The following GRID2 variants were observed in gnomAD, a reference collection of about 807,000 sequenced individuals.
The protein encoded by GRID2 is glutamate receptor ionotropic, delta-2.
In GRID2, 33 loss-of-function variants were observed where a neutral mutation model predicts 114.8. The ratio of observed to expected loss-of-function variants is 0.29; its 90% confidence interval spans 0.22 to 0.38. GRID2 has a LOEUF of 0.38. GRID2 is among the 10% of genes least tolerant of loss of function. GRID2 has a pLI of 1.00. For missense variants in GRID2, 1,184 were observed against 1,257.7 expected, an observed-to-expected ratio of 0.94 and a Z score of 0.89; for synonymous variants, 505 against 449.9, an observed-to-expected ratio of 1.12 and a Z score of -1.55.
intron 2 of GRID2, among the ~76,000 whole-genome samples, chr4:92,691,392 T>G (rs1475180235): frequency 6.6e-6 from 1 of 151,986 alleles, no homozygotes; most frequent in Non-Finnish European, 1.5e-5. Context: ...GTTTACACAT[T>G]AGTGGGCAAG....
At chr4:93,070,481 T>C (rs1379290817) in intron 2 of GRID2, among the ~76,000 whole-genome samples, 1 of 152,104 alleles carries the variant, frequency 6.6e-6, no homozygotes, top group Non-Finnish European at 1.5e-5. Context: ...AAGTGAAATG[T>C]GATTATCAAA....
chr4:93,419,863 A>C (rs1768090844), intron 9 of GRID2, among the ~76,000 whole-genome samples: 1 of 152,164 alleles, frequency 6.6e-6, no homozygotes. Context: ...TGGTCTAGCT[A>C]GTTATGAGTT....
At chr4:93,143,407 T>C (rs953777286) in intron 4 of GRID2, among the ~76,000 whole-genome samples, 4 of 152,204 alleles carry the variant, frequency 2.6e-5, no homozygotes, top group African/African-American at 9.6e-5. Context: ...ATGCCACTTA[T>C]GTTATCATCT....
At chr4:93,657,862 C>G (rs1441570073) in intron 14 of GRID2, among the ~76,000 whole-genome samples, 1 of 152,040 alleles carries the variant, frequency 6.6e-6, no homozygotes, top group East Asian at 1.9e-4. Context: ...TTGTAGAACC[C>G]AATACAGCTG....
At chr4:93,031,362 C>T (rs184395587) in intron 2 of GRID2, among the ~76,000 whole-genome samples, 112 of 152,140 alleles carry the variant, frequency 7.4e-4, no homozygotes, top group Non-Finnish European at 1.3e-3. Flanking sequence ...CACTCTCCTA[C>T]GGATATAATT....
At chr4:92,752,388 C>T (rs1244443606) in intron 2 of GRID2, among the ~76,000 whole-genome samples, 1 of 152,156 alleles carries the variant, frequency 6.6e-6, no homozygotes, top group Non-Finnish European at 1.5e-5. Flanking sequence ...GAAGAGCCCA[C>T]ATTTCTTAGT....
intron 13 of GRID2, among the ~76,000 whole-genome samples, chr4:93,582,975 C>G (rs1737130123): frequency 6.6e-6 from 1 of 152,286 alleles, no homozygotes; most frequent in Non-Finnish European, 1.5e-5. Flanking sequence ...GCCACACTCT[C>G]TCTGAAGTCT....
At chr4:93,629,394 C>T (rs753887369) in intron 14 of GRID2, among the ~76,000 whole-genome samples, 32 of 152,090 alleles carry the variant, frequency 2.1e-4, no homozygotes, top group Non-Finnish European at 4.1e-4. Context: ...CAGGACCTGG[C>T]GATCATCAGT....
chr4:92,971,750 C>G (rs551739843), intron 2 of GRID2, among the ~76,000 whole-genome samples: 1 of 152,104 alleles, frequency 6.6e-6, no homozygotes, highest in Admixed American at 6.6e-5. Context: ...CTTCCATGAG[C>G]TCAATTTTCT....
chr4:92,998,451 G>A (rs946548679), intron 2 of GRID2, among the ~76,000 whole-genome samples: 2 of 151,928 alleles, frequency 1.3e-5, no homozygotes, highest in Non-Finnish European at 2.9e-5. Flanking sequence ...AGGCTATTGG[G>A]ACTACAGAGT....
chr4:93,793,789 C>T (rs150114214), intron 1 of GRID2, among the ~76,000 whole-genome samples: 2,391 of 152,216 alleles, frequency 0.016, 35 homozygotes, highest in Middle Eastern at 0.027. Context: ...GCACCAAGGA[C>T]GTATGCAAAC....
At chr4:92,927,315 A>G (rs1475786956) in intron 2 of GRID2, among the ~76,000 whole-genome samples, 1 of 151,856 alleles carries the variant, frequency 6.6e-6, no homozygotes, top group Non-Finnish European at 1.5e-5. Context: ...TACTTGCTAT[A>G]ATAGCTTACA....
intron 1 of GRID2, among the ~76,000 whole-genome samples, chr4:92,305,423 C>G (rs745891678): frequency 7.2e-5 from 11 of 152,158 alleles, no homozygotes; most frequent in Non-Finnish European, 1.6e-4. Flanking sequence ...GCTCCCGGGG[C>G]CTGGCGCGGC....
intron 14 of GRID2, among the ~76,000 whole-genome samples, chr4:93,646,391 G>C (rs1722115130): frequency 6.6e-6 from 1 of 152,070 alleles, no homozygotes; most frequent in African/African-American, 2.4e-5. Context: ...GAACCAGCTG[G>C]GAGTGTTTAA....
chr4:92,665,425 G>A (rs1732724185), intron 2 of GRID2, among the ~76,000 whole-genome samples: 2 of 151,020 alleles, frequency 1.3e-5, no homozygotes, highest in Non-Finnish European at 3.0e-5. Context: ...TAAAGCATTA[G>A]TACCTTAAAT....
chr4:93,796,612 C>T lies in GRID2; in HGVS notation c.222-10103C>T, dbSNP rs190142242. Among the ~76,000 whole-genome samples, 322 of 152,310 alleles carry T rather than the reference C, an allele frequency of 2.1e-3. 1 individual carries two copies. Among genetic ancestry groups the T allele is most frequent in the Middle Eastern group, 6.8e-3 (2 of 294 alleles). On this transcript the variant is annotated intron_variant, in intron 1 of 1. Transcript: ENST00000637838. ...AGGCTAGAGTGCCGTGGCGCTATCT[C>T]GGCTCACTGCAACCTCCACCTCCCG...
intron 1 of GRID2, among the ~76,000 whole-genome samples, chr4:92,387,268 C>T (rs924737123): frequency 2.0e-5 from 3 of 151,806 alleles, no homozygotes; most frequent in Admixed American, 6.6e-5. Context: ...AGAAAAATTT[C>T]AGTGGTAAAT....
intron 2 of GRID2, among the ~76,000 whole-genome samples, chr4:92,786,374 G>A (rs2149361585): frequency 1.3e-5 from 2 of 151,860 alleles, no homozygotes; most frequent in Middle Eastern, 6.8e-3. Context: ...GAGAGAGTTT[G>A]AATAATATTT....
At chr4:92,699,872 T>A (rs1450833420) in intron 2 of GRID2, among the ~76,000 whole-genome samples, 1 of 152,204 alleles carries the variant, frequency 6.6e-6, no homozygotes, top group East Asian at 1.9e-4. Flanking sequence ...CTTTTAGATC[T>A]GATTTACAAA....
Sources: gnomAD v4.1 joint callset for allele counts (sites outside exome capture counted in the v4.1 genomes callset) on GRCh38, gnomAD v4.1.1 for gene constraint, MANE v1.5 for transcripts, NCBI Gene and HGNC (gene_info 2026-07-23, HGNC 2026-07-21) for gene names.